ITGBL1: variants seen among roughly 807,000 people sequenced by gnomAD.
ITGBL1 encodes the protein integrin beta-like protein 1.
A neutral mutation model predicts 68.5 loss-of-function variants in ITGBL1; 51 were observed. The ratio of observed to expected loss-of-function variants is 0.74; its 90% CI spans 0.59 to 0.94. The LOEUF (loss-of-function observed/expected upper bound fraction) is 0.94, where lower values mean the gene tolerates loss of function less well. Among genes scored for constraint, ITGBL1 ranks in the 40% least tolerant of loss-of-function variants. ITGBL1 has a pLI of 0.00. For missense variants in ITGBL1, 649 were observed against 647.4 expected (o/e 1.00, Z -0.03); for synonymous variants, 209 against 227.3 (o/e 0.92, Z 0.72).
intron 2 of ITGBL1, among the ~76,000 whole-genome samples, chr13:101,475,443 A>G (rs753327925): frequency 2.6e-5 from 4 of 152,280 alleles, no homozygotes; most frequent in Non-Finnish European, 4.4e-5. Flanking sequence ...AATAGCCTCA[A>G]AAGGGTAAAT....
chr13:101,678,193 C>A (rs1264150467), intron 7 of ITGBL1, among the ~76,000 whole-genome samples: 1 of 152,198 alleles, frequency 6.6e-6, no homozygotes, highest in Non-Finnish European at 1.5e-5. Flanking sequence ...CATACATTCT[C>A]ACATATGTGT....
intron 7 of ITGBL1, among the ~76,000 whole-genome samples, chr13:101,646,708 A>G (rs1446413904): frequency 5.3e-5 from 8 of 152,160 alleles, no homozygotes; most frequent in Admixed American, 5.2e-4. Flanking sequence ...GAAAAAAGAA[A>G]GCAACCTAAA....
At chr13:101,604,012 A>G (rs1408055068) in intron 7 of ITGBL1, among the ~76,000 whole-genome samples, 1 of 151,976 alleles carries the variant, frequency 6.6e-6, no homozygotes, top group African/African-American at 2.4e-5. Context: ...CAATAGGGAT[A>G]TGCACTTATA....
intron 7 of ITGBL1, among the ~76,000 whole-genome samples, chr13:101,660,983 C>A (rs2033070646): frequency 6.6e-6 from 1 of 152,168 alleles, no homozygotes; most frequent in Admixed American, 6.5e-5. Flanking sequence ...GCTCTATAGT[C>A]TTTTCCATAC....
rs117228342 is a variant in ITGBL1 at position 101,492,537 on chromosome 13, A to G, written c.316+38437A>G. On this transcript the variant is annotated intron_variant, in intron 2 of 10. Transcript: ENST00000376180. ...CTTTGGCAGCTTCTGTACAGCTGGA[A>G]CAGAAGCTGGAGCTATGCCCTAAGA... Among the ~76,000 whole-genome samples the G allele has an allele frequency of 8.9e-3, 1,353 of 152,302 alleles. 13 individuals carry two copies. Among genetic ancestry groups the G allele is most frequent in the Non-Finnish European group, 0.014 (975 of 68,012 alleles).
chr13:101,688,095 C>G (rs770470569), intron 7 of ITGBL1, among the ~76,000 whole-genome samples: 1 of 152,042 alleles, frequency 6.6e-6, no homozygotes, highest in Non-Finnish European at 1.5e-5. Flanking sequence ...AGATTGGACT[C>G]AATTTCTTAT....
At chr13:101,536,817 T>C (rs2049585056) in intron 2 of ITGBL1, among the ~76,000 whole-genome samples, 1 of 152,028 alleles carries the variant, frequency 6.6e-6, no homozygotes, top group African/African-American at 2.4e-5. Flanking sequence ...TAATTTACTA[T>C]AATCTCATAT....
chr13:101,565,101 G>A (rs1169844021), intron 2 of ITGBL1, among the ~76,000 whole-genome samples: 1 of 151,872 alleles, frequency 6.6e-6, no homozygotes, highest in Non-Finnish European at 1.5e-5. Flanking sequence ...ATAAATTTCT[G>A]TTTTTTTAAG....
At chr13:101,551,112 G>A (rs1594885023) in intron 2 of ITGBL1, among the ~76,000 whole-genome samples, 1 of 152,136 alleles carries the variant, frequency 6.6e-6, no homozygotes, top group Non-Finnish European at 1.5e-5. Flanking sequence ...AGAGGAGGAT[G>A]GGGAGGGTAG....
intron 4 of ITGBL1, 76 bp from the exon 5 acceptor site, chr13:101,579,211 A>T (rs1383751206): frequency 6.6e-7 from 1 of 1,515,410 alleles, no homozygotes. Context: ...AAAAATGATC[A>T]CAAAGAGATA....
chr13:101,539,823 T>C (rs1397314530), intron 2 of ITGBL1, among the ~76,000 whole-genome samples: 1 of 152,134 alleles, frequency 6.6e-6, no homozygotes, highest in Admixed American at 6.6e-5. Flanking sequence ...CATTTTTTCA[T>C]GTGTCTTTTG....
chr13:101,469,509 C>G (rs575923535), intron 2 of ITGBL1, among the ~76,000 whole-genome samples: 1 of 152,234 alleles, frequency 6.6e-6, no homozygotes, highest in African/African-American at 2.4e-5. Flanking sequence ...TGGGTGAAAC[C>G]CTGTCTCTAC....
chr13:101,615,925 C>T (rs560421313), intron 7 of ITGBL1, among the ~76,000 whole-genome samples: 53 of 152,318 alleles, frequency 3.5e-4, no homozygotes, highest in African/African-American at 1.3e-3. Flanking sequence ...CTAGACACTG[C>T]ATCTTCCGGT....
chr13:101,466,204 C>T (rs1397736294), intron 2 of ITGBL1, among the ~76,000 whole-genome samples: 2 of 152,156 alleles, frequency 1.3e-5, no homozygotes, highest in East Asian at 1.9e-4. Context: ...CTTCATTTCC[C>T]TTGACAAGGA....
rs1037754701 is a variant in ITGBL1 at position 101,605,896 on chromosome 13, G to A, written c.1015+7597G>A. ...TATACACATATATAGACATGTATGCGTGCATGTGTATATGTACACATATAT... is the reference window on the plus strand; with the variant it reads ...TATACACATATATAGACATGTATGCATGCATGTGTATATGTACACATATAT... On this transcript the variant is annotated intron_variant, in intron 7 of 10. Coordinates refer to ENST00000376180, the MANE Select transcript of ITGBL1 (RefSeq NM_004791.3). Among the ~76,000 whole-genome samples, 10 of 147,844 alleles carry A rather than the reference G, an allele frequency of 6.8e-5. No individual in the cohort carries two copies. In the East Asian group the frequency reaches 8.0e-4, roughly 12 times the overall value.
At chr13:101,646,108 C>T (rs1188455904) in intron 7 of ITGBL1, among the ~76,000 whole-genome samples, 1 of 152,176 alleles carries the variant, frequency 6.6e-6, no homozygotes, top group East Asian at 1.9e-4. Context: ...TGATGTGTTT[C>T]CATTGGCTTT....
chr13:101,539,041 G>GTGC (rs1163734870), intron 2 of ITGBL1, among the ~76,000 whole-genome samples: 30 of 140,082 alleles, frequency 2.1e-4, no homozygotes, highest in African/African-American at 7.7e-4. Context: ...GATTTATGCT[G>GTGC]TGCTGCTTCT....
At chr13:101,645,696 G>C (rs983654676) in intron 7 of ITGBL1, among the ~76,000 whole-genome samples, 4 of 152,116 alleles carry the variant, frequency 2.6e-5, no homozygotes, top group Admixed American at 2.6e-4. Flanking sequence ...CTGAATACGG[G>C]CTCTAAGAAG....
At chr13:101,603,526 C>T (rs1029024160) in intron 7 of ITGBL1, among the ~76,000 whole-genome samples, 5 of 151,788 alleles carry the variant, frequency 3.3e-5, no homozygotes, top group Non-Finnish European at 5.9e-5. Flanking sequence ...TTTAAAGTAA[C>T]AAAGATTAAA....
Sources: allele counts gnomAD v4.1 joint callset (sites outside exome capture counted in the v4.1 genomes callset), GRCh38; gene constraint gnomAD v4.1.1; transcripts MANE v1.5; gene names NCBI Gene and HGNC (gene_info 2026-07-23, HGNC 2026-07-21).